The following ZNF536 variants were observed in gnomAD, a reference collection of about 807,000 sequenced individuals.
The protein encoded by ZNF536 is zinc finger protein 536.
Under a neutral mutation model 84.5 loss-of-function variants are expected in ZNF536, and 13 were observed. That is an observed-to-expected ratio of 0.15 (90% CI 0.10 to 0.24). The LOEUF (loss-of-function observed/expected upper bound fraction) is 0.24. Ranked by LOEUF, ZNF536 falls within the 10% of genes least tolerant of loss-of-function variation. The probability of loss-of-function intolerance (pLI) is 1.00; values close to 1 mark genes in which losing one functional copy is unlikely to be tolerated. For synonymous variants in ZNF536, 811 were observed against 742.5 expected, an observed-to-expected ratio of 1.09 and a Z score of -1.50; for missense variants, 1,536 against 1,747.5, an observed-to-expected ratio of 0.88 and a Z score of 2.16.
intron 2 of ZNF536, among the ~76,000 whole-genome samples, chr19:30,482,713 C>T (rs1255065700): frequency 6.6e-6 from 1 of 152,158 alleles, no homozygotes; most frequent in African/African-American, 2.4e-5. Flanking sequence ...ATGTATTTTC[C>T]TCCCCATTAG....
chr19:30,367,571 G>A (rs537695945), upstream of ZNF536, among the ~76,000 whole-genome samples: 8 of 152,284 alleles, frequency 5.3e-5, no homozygotes, highest in South Asian at 6.2e-4. Flanking sequence ...GAGCTGGAGC[G>A]ATCCCTTTGG....
chr19:30,466,641 T>TG (rs1568460064), intron 2 of ZNF536, among the ~76,000 whole-genome samples: 1 of 139,898 alleles, frequency 7.1e-6, no homozygotes, highest in African/African-American at 2.9e-5. Context: ...GTTTTTTTTT[T>TG]GTTTTTTGTT....
chr19:30,623,021 T>TG (rs760654528), intron 1 of ZNF536, among the ~76,000 whole-genome samples: 1 of 36,290 alleles, frequency 2.8e-5, no homozygotes, highest in Non-Finnish European at 5.6e-5. Flanking sequence ...AAATCTTGTG[T>TG]TTTTTTTTTT....
At chr19:30,552,715 A>G (rs932554822) in intron 4 of ZNF536, among the ~76,000 whole-genome samples, 5 of 152,206 alleles carry the variant, frequency 3.3e-5, no homozygotes, top group African/African-American at 7.2e-5. Context: ...CTAACAGCCA[A>G]TGGATTCCTA....
intron 1 of ZNF536, among the ~76,000 whole-genome samples, chr19:30,376,149 G>A (rs2048811469): frequency 6.6e-6 from 1 of 152,122 alleles, no homozygotes; most frequent in Admixed American, 6.5e-5. Flanking sequence ...GGCTCCATGG[G>A]TACCAAGGTT....
chr19:30,667,588 A>C (rs941238553), intron 1 of ZNF536, among the ~76,000 whole-genome samples: 6 of 150,320 alleles, frequency 4.0e-5, no homozygotes, highest in African/African-American at 1.5e-4. Flanking sequence ...TGTATAAAAC[A>C]ATGTCAGAAG....
chr19:30,311,530 A>G (rs1001645549), intron 2 of ZNF536, among the ~76,000 whole-genome samples: 2 of 152,126 alleles, frequency 1.3e-5, no homozygotes, highest in Admixed American at 1.3e-4. Context: ...TTTACTCCCC[A>G]TATGGTCTTC....
At chr19:30,694,098 C>T (rs1329158445) in intron 1 of ZNF536, among the ~76,000 whole-genome samples, 1 of 152,304 alleles carries the variant, frequency 6.6e-6, no homozygotes, top group East Asian at 1.9e-4. Flanking sequence ...GATATCGATA[C>T]ACTTAAGGTG....
At chr19:30,268,480 G>C (rs1405781312) in intron 1 of ZNF536, among the ~76,000 whole-genome samples, 1 of 152,190 alleles carries the variant, frequency 6.6e-6, no homozygotes, top group Non-Finnish European at 1.5e-5. Flanking sequence ...CAAGATGACA[G>C]GGTGCTTCTC....
intron 1 of ZNF536, among the ~76,000 whole-genome samples, chr19:30,704,421 C>T (rs576400378): frequency 1.2e-3 from 181 of 151,962 alleles, no homozygotes; most frequent in African/African-American, 4.3e-3. Context: ...CTGAGGTGGG[C>T]GGATCACCTG....
At chr19:30,304,242 T>C (rs2046279104) in intron 2 of ZNF536, among the ~76,000 whole-genome samples, 1 of 152,216 alleles carries the variant, frequency 6.6e-6, no homozygotes, top group African/African-American at 2.4e-5. Context: ...CGCCCGCATT[T>C]GCATCTTCAT....
intron 1 of ZNF536, among the ~76,000 whole-genome samples, chr19:30,672,486 G>A: frequency 6.6e-6 from 1 of 152,220 alleles, no homozygotes; most frequent in Non-Finnish European, 1.5e-5. Context: ...CCACAGCAAA[G>A]CATATTTCAG....
chr19:30,410,567 C>A (rs1043480274), intron 1 of ZNF536, among the ~76,000 whole-genome samples: 4 of 150,704 alleles, frequency 2.7e-5, no homozygotes, highest in African/African-American at 4.9e-5. Context: ...CTCCGCCTCC[C>A]GGGTTCACGC....
At chr19:30,468,058 C>T (rs754055545) in intron 2 of ZNF536, among the ~76,000 whole-genome samples, 2 of 152,218 alleles carry the variant, frequency 1.3e-5, no homozygotes, top group Non-Finnish European at 2.9e-5. Flanking sequence ...CACCAGCGCC[C>T]CGTGAAAAAT....
At chr19:30,312,826 G>GC (rs2046550799) in intron 2 of ZNF536, among the ~76,000 whole-genome samples, 1 of 152,242 alleles carries the variant, frequency 6.6e-6, no homozygotes, top group Non-Finnish European at 1.5e-5. Flanking sequence ...AGAGCCAGGA[G>GC]CCTGGGTTTT....
intron 1 of ZNF536, among the ~76,000 whole-genome samples, chr19:30,427,341 G>C (rs2051259721): frequency 6.6e-6 from 1 of 152,218 alleles, no homozygotes; most frequent in Non-Finnish European, 1.5e-5. Flanking sequence ...GATAGGAAGA[G>C]AGATAAGGTA....
At chr19:30,629,203 A>G (rs1262606863) in intron 1 of ZNF536, among the ~76,000 whole-genome samples, 2 of 151,422 alleles carry the variant, frequency 1.3e-5, no homozygotes, top group African/African-American at 4.9e-5. Context: ...TTATTTATTT[A>G]ATTTTGTTTT....
At chr19:30,482,900 C>T (rs2054146445) in intron 2 of ZNF536, among the ~76,000 whole-genome samples, 1 of 152,174 alleles carries the variant, frequency 6.6e-6, no homozygotes, top group Non-Finnish European at 1.5e-5. Context: ...GTATCAGCAT[C>T]TCCATAGCGC....
intron 1 of ZNF536, among the ~76,000 whole-genome samples, chr19:30,564,630 G>C (rs1367733240): frequency 6.6e-6 from 1 of 152,250 alleles, no homozygotes. Flanking sequence ...CGCAGCCCCT[G>C]GCGCTCGGGC....
Sources: gnomAD v4.1 joint callset for allele counts (sites outside exome capture counted in the v4.1 genomes callset) on GRCh38, gnomAD v4.1.1 for gene constraint, MANE v1.5 for transcripts, NCBI Gene and HGNC (gene_info 2026-07-23, HGNC 2026-07-21) for gene names.